Variants in DNAJC5 observed in about 807,000 individuals in gnomAD.
The protein encoded by DNAJC5 is dnaJ homolog subfamily C member 5.
Under a neutral mutation model 23.2 loss-of-function variants are expected in DNAJC5, and 1 was observed. That is an observed-to-expected ratio of 0.04 (90% CI 0.02 to 0.20). The LOEUF (loss-of-function observed/expected upper bound fraction) is 0.20. Ranked by LOEUF, DNAJC5 falls within the 10% of genes least tolerant of loss-of-function variation. The pLI is 1.00. For missense variants in DNAJC5, 180 were observed against 267.0 expected, an observed-to-expected ratio of 0.67 and a Z score of 2.27; for synonymous variants, 136 against 120.0, an observed-to-expected ratio of 1.13 and a Z score of -0.87.
intron 1 of DNAJC5, among the ~76,000 whole-genome samples, chr20:63,908,770 A>ATT (rs1272770352): frequency 2.0e-5 from 3 of 152,202 alleles, no homozygotes; most frequent in African/African-American, 7.2e-5. Context: ...ATTGCACCCC[A>ATT]GCCTGGGTGA....
rs2053667067 is a variant in DNAJC5 at position 63,931,187 on chromosome 20, A to C, written c.493+165A>C. 1 of 851,612 alleles carries C rather than the reference A, an allele frequency of 1.2e-6. No individual in the cohort carries two copies. Among genetic ancestry groups the C allele is most frequent in the Non-Finnish European group, 1.9e-6 (1 of 523,064 alleles). 52.8% of individuals were successfully genotyped at this position (851,612 alleles called of 1,614,324 possible). A position where few individuals can be genotyped will look rare whatever the true frequency, so the allele number is the denominator to read the frequency against. The stretch of plus-strand genomic sequence containing the variant: ...GGTGTGAACGTGGACCCTGAGGTAA[A>C]GCAGGCGCATAGAGCTGTCCCCGCC... On this transcript the variant is annotated intron_variant, in intron 4 of 4. Transcript: ENST00000360864. This position sits in a 1 kb window ranked among gnomAD's most constrained non-coding sequence, Gnocchi z 9.6.
chr20:63,900,576 C>CA (rs752326573), intron 1 of DNAJC5, among the ~76,000 whole-genome samples: 1,330 of 64,022 alleles, frequency 0.021, 64 homozygotes, highest in African/African-American at 0.054. Flanking sequence ...GACACTGTCT[C>CA]AAAAAAAAAA....
In DNAJC5 at chr20:63,920,970, T is replaced by G. The variant is rs1275887918; in HGVS notation, c.-11-7365T>G. ...CTTGTTTGCTTTTTTTTATTTTGTT[T>G]TGTTTTGAGACGGAGTTTCACTATT... is the stretch of plus-strand genomic sequence containing the variant. On this transcript the variant is annotated intron_variant, in intron 1 of 4. Transcript: ENST00000360864. This position sits in a 1 kb window ranked among gnomAD's most constrained non-coding sequence, Gnocchi z 4.6. Among the ~76,000 whole-genome samples the G allele has an allele frequency of 6.6e-6, 1 of 151,788 alleles. No individual in the cohort carries two copies. Among genetic ancestry groups the G allele is most frequent in the Non-Finnish European group, 1.5e-5 (1 of 67,958 alleles).
At chr20:63,930,053 G>A (rs573540143) in intron 3 of DNAJC5, among the ~76,000 whole-genome samples, 9 of 152,330 alleles carry the variant, frequency 5.9e-5, no homozygotes, top group Non-Finnish European at 8.8e-5. Flanking sequence ...GCATTTCTTC[G>A]TTTCCTCGTT....
At position 63,931,391 on chromosome 20, in the gene DNAJC5, C is replaced by A; in HGVS notation, c.494-74C>A. On this transcript the variant is annotated intron_variant, in intron 4 of 4. Coordinates refer to ENST00000360864, the MANE Select transcript of DNAJC5 (RefSeq NM_025219.3). The surrounding 1 kb of genome is among the most constrained non-coding windows in gnomAD (Gnocchi z 9.6). ...AGAGTTTGTCCAGGTGCCCGAAAGTCGCTCCACAGGACCAGCGTTGGGTGC... is the reference window on the plus strand; with the variant it reads ...AGAGTTTGTCCAGGTGCCCGAAAGTAGCTCCACAGGACCAGCGTTGGGTGC... 7.2e-7 allele frequency: 1 copy of A among 1,387,378 alleles called. No homozygotes were observed. Among genetic ancestry groups the A allele is most frequent in the South Asian group, 1.2e-5 (1 of 81,056 alleles). The allele number at this position is 1,387,378 out of a possible 1,614,324, so 85.9% of individuals were successfully genotyped here. A position where few individuals can be genotyped will look rare whatever the true frequency, so the allele number is the denominator to read the frequency against.
At chr20:63,905,196 A>G (rs1247738013) in intron 1 of DNAJC5, among the ~76,000 whole-genome samples, 1 of 146,744 alleles carries the variant, frequency 6.8e-6, no homozygotes, top group Non-Finnish European at 1.5e-5. Context: ...GCTCACTGCA[A>G]CCTCTGCTTC....
At chr20:63,912,682 A>G (rs1283907928) in intron 1 of DNAJC5, among the ~76,000 whole-genome samples, 3 of 152,134 alleles carry the variant, frequency 2.0e-5, no homozygotes, top group African/African-American at 4.8e-5. Context: ...ATCTCAGCTC[A>G]CTGCAACCTC....
intron 3 of DNAJC5, among the ~76,000 whole-genome samples, chr20:63,930,191 TA>T: frequency 6.6e-6 from 1 of 152,186 alleles, no homozygotes; most frequent in Non-Finnish European, 1.5e-5. Flanking sequence ...TTTATTTAGT[TA>T]ATGTTAGACA....
Position 63,931,678 on chromosome 20 carries a change from C to T in DNAJC5, c.*110C>T, listed in dbSNP as rs947305804. On this transcript the variant is annotated 3_prime_UTR_variant, in exon 5 of 5. Transcript: ENST00000360864. The surrounding 1 kb of genome is among the most constrained non-coding windows in gnomAD (Gnocchi z 9.6). ...AAGGCAGCCTCCTGCCTGCCCTGGC[C>T]TTGCTGGGGCCCCTCCTGCCTCCAC... 5 of 1,198,024 alleles carry T rather than the reference C, an allele frequency of 4.2e-6. No individual in the cohort carries two copies. The highest frequency in any genetic ancestry group is 6.0e-6 in the Non-Finnish European group (5 of 838,956). 74.2% of individuals were successfully genotyped at this position (1,198,024 alleles called of 1,614,324 possible). A position where few individuals can be genotyped will look rare whatever the true frequency, so the allele number is the denominator to read the frequency against.
chr20:63,914,559 C>T (rs2053503719), intron 1 of DNAJC5, among the ~76,000 whole-genome samples: 1 of 151,444 alleles, frequency 6.6e-6, no homozygotes, highest in Middle Eastern at 3.2e-3. Context: ...CCTCGTGATC[C>T]ACCCGCCTCG....
chr20:63,913,375 C>T (rs1275508386), intron 1 of DNAJC5, among the ~76,000 whole-genome samples: 1 of 151,846 alleles, frequency 6.6e-6, no homozygotes, highest in Non-Finnish European at 1.5e-5. Context: ...TCCAGGGTTC[C>T]TAACAGCCTG....
intron 1 of DNAJC5, among the ~76,000 whole-genome samples, chr20:63,911,198 A>C (rs1384186476): frequency 6.6e-6 from 1 of 152,178 alleles, no homozygotes. Flanking sequence ...GGGCTTCAGC[A>C]TGTGGGGTTT....
chr20:63,898,732 T>G (rs977304127), intron 1 of DNAJC5, among the ~76,000 whole-genome samples: 2 of 152,072 alleles, frequency 1.3e-5, no homozygotes, highest in African/African-American at 4.8e-5. Flanking sequence ...TTCCAGCTAC[T>G]AGGGAGGCTG....
chr20:63,913,406 T>C (rs1311788436), intron 1 of DNAJC5, among the ~76,000 whole-genome samples: 1 of 151,608 alleles, frequency 6.6e-6, no homozygotes, highest in Non-Finnish European at 1.5e-5. Context: ...TTCTTTTTTT[T>C]TTTTTAGTGA....
At chr20:63,912,445 T>A (rs1339223992) in intron 1 of DNAJC5, among the ~76,000 whole-genome samples, 1 of 152,170 alleles carries the variant, frequency 6.6e-6, no homozygotes, top group African/African-American at 2.4e-5. Context: ...TTGGAATAGA[T>A]AATATCTATT....
At chr20:63,914,744 T>C (rs911436952) in intron 1 of DNAJC5, among the ~76,000 whole-genome samples, 17 of 151,752 alleles carry the variant, frequency 1.1e-4, no homozygotes, top group Non-Finnish European at 8.8e-5. Context: ...GCCTGCTGAG[T>C]AGCTGGGATT....
intron 1 of DNAJC5, among the ~76,000 whole-genome samples, chr20:63,927,020 C>T (rs577793824): frequency 6.6e-6 from 1 of 152,312 alleles, no homozygotes; most frequent in Non-Finnish European, 1.5e-5. Flanking sequence ...TATCTTCCTC[C>T]TGGGTTTCCA....
chr20:63,896,419 G>A (rs1018352741), intron 1 of DNAJC5, among the ~76,000 whole-genome samples: 1 of 152,196 alleles, frequency 6.6e-6, no homozygotes. Flanking sequence ...GTCTGGCCCA[G>A]CAGAGAGCTG....
Position 63,931,212 on chromosome 20 carries a change from C to T in DNAJC5, c.493+190C>T, listed in dbSNP as rs1395441038. 2.7e-5 allele frequency: 22 copies of T among 801,972 alleles called. No homozygotes were observed. Among genetic ancestry groups the T allele is most frequent in the South Asian group, 1.5e-4 (10 of 68,620 alleles). 49.7% of individuals were successfully genotyped at this position (801,972 alleles called of 1,614,324 possible). A position where few individuals can be genotyped will look rare whatever the true frequency, so the allele number is the denominator to read the frequency against. On this transcript the variant is annotated intron_variant, in intron 4 of 4. Transcript: ENST00000360864. The surrounding 1 kb of genome is among the most constrained non-coding windows in gnomAD (Gnocchi z 9.6). ...AGCAGGCGCATAGAGCTGTCCCCGC[C>T]GTGACCTGCGGTAGCCGTAGATCCC...
Sources: allele counts gnomAD v4.1 joint callset (sites outside exome capture counted in the v4.1 genomes callset), GRCh38; gene constraint gnomAD v4.1.1; non-coding constraint Gnocchi (gnomAD v3.1); transcripts MANE v1.5; gene names NCBI Gene and HGNC (gene_info 2026-07-23, HGNC 2026-07-21).